MAK16: variants seen among roughly 807,000 people sequenced by gnomAD.
MAK16 encodes the protein protein MAK16 homolog.
A neutral mutation model predicts 49.9 loss-of-function variants in MAK16; 12 were observed. The ratio of observed to expected loss-of-function variants is 0.24; its 90% CI spans 0.15 to 0.39. The LOEUF (loss-of-function observed/expected upper bound fraction) is 0.39, where lower values mean the gene tolerates loss of function less well. Ranked by LOEUF, MAK16 falls within the 10% of genes least tolerant of loss-of-function variation. The probability of loss-of-function intolerance (pLI) is 1.00; values close to 1 mark genes in which losing one functional copy is unlikely to be tolerated. For synonymous variants in MAK16, 115 were observed against 126.4 expected, an observed-to-expected ratio of 0.91 and a Z score of 0.60; for missense variants, 292 against 363.7, an observed-to-expected ratio of 0.80 and a Z score of 1.60.
Position 33,494,112 on chromosome 8 carries a change from C to T in MAK16, c.448-1430C>T, listed in dbSNP as rs147226920. On this transcript the variant is annotated intron_variant, in intron 6 of 9. Transcript: ENST00000360128. ...TTAGGTTCTACAGCTTTTGCTCTGT[C>T]GCCCAGGCTGGAGTGCAGTGGCGCC... Among the ~76,000 whole-genome samples the T allele has an allele frequency of 3.0e-3, 453 of 152,246 alleles. 8 individuals carry two copies. The East Asian group carries it at 0.039, about 13-fold the overall frequency.
chr8:33,498,305 A>G, intron 9 of MAK16, 127 bp from the exon 10 acceptor site: 1 of 701,426 alleles, frequency 1.4e-6, no homozygotes, highest in Non-Finnish European at 2.2e-6. Flanking sequence ...AAAGAAAGGG[A>G]CAATTTCTGA....
At chr8:33,494,135 G>A (rs1022699218) in intron 6 of MAK16, among the ~76,000 whole-genome samples, 50 of 152,194 alleles carry the variant, frequency 3.3e-4, no homozygotes, top group African/African-American at 1.2e-3. Context: ...GTGCAGTGGC[G>A]CCATCTCGGC....
chr8:33,495,595 G>A lies in MAK16; in HGVS notation c.501G>A (p.Leu167=), dbSNP rs1175566130. 1.2e-6 allele frequency: 2 copies of A among 1,611,360 alleles called. No homozygotes were observed. The highest frequency in any genetic ancestry group is 2.2e-5 in the East Asian group (1 of 44,710). Reference sequence around the variant, plus strand: ...ACAATGCCATTGAGAAGGAATTACTGGAGAGACTGAAACAAGATACGGTGA... The same window carrying A: ...ACAATGCCATTGAGAAGGAATTACTAGAGAGACTGAAACAAGATACGGTGA... ...QLDNAIEKEL[L]ERLKQDTYGD... is the part of the protein sequence containing the mutation. Residue 167 remains leucine (L), a synonymous_variant, in exon 7 of 10, where the codon CTG becomes CTA. Coordinates refer to ENST00000360128, the MANE Select transcript of MAK16 (RefSeq NM_032509.4).
rs1312970892 is a variant in MAK16 at position 33,498,655 on chromosome 8, G to GACTGAACAT, written c.*27_*35dup. The GACTGAACAT allele has an allele frequency of 6.5e-7, 1 of 1,548,396 alleles. No homozygotes were observed. The highest frequency in any genetic ancestry group is 8.8e-7 in the Non-Finnish European group (1 of 1,132,636). On this transcript the variant is annotated 3_prime_UTR_variant, in exon 10 of 10. Transcript: ENST00000360128. ...TTTCCCTTTCAGCATTTATACCCAG[G>GACTGAACAT]ACTGAACATGCAGAACTGTTTTTTT... is the stretch of plus-strand genomic sequence containing the variant.
At chr8:33,498,037 A>G (rs1808905855) in intron 9 of MAK16, among the ~76,000 whole-genome samples, 1 of 151,178 alleles carries the variant, frequency 6.6e-6, no homozygotes, top group Non-Finnish European at 1.5e-5. Context: ...TGGAGGTTGC[A>G]GTGAGCTGAG....
chr8:33,496,411 A>G lies in MAK16; in HGVS notation c.523-214A>G, dbSNP rs143469227. 8.1e-3 allele frequency among the ~76,000 whole-genome samples: 1,229 copies of G among 152,278 alleles called. 12 individuals are homozygous for G. The highest frequency in any genetic ancestry group is 0.028 in the African/African-American group (1,146 of 41,554). ...ATTATTTTAAAATGTAACTCCATAG[A>G]AGTTACCTATTTGATACTAACTGCA... On this transcript the variant is annotated intron_variant, in intron 7 of 9. Transcript: ENST00000360128.
intron 6 of MAK16, among the ~76,000 whole-genome samples, chr8:33,490,670 G>A (rs948608079): frequency 6.6e-6 from 1 of 152,116 alleles, no homozygotes; most frequent in African/African-American, 2.4e-5. Context: ...AGTAGATTTT[G>A]AGCATTCTAA....
At chr8:33,496,772 C>T (rs1422834645) in intron 8 of MAK16, 31 bp downstream of exon 8, 2 of 1,458,300 alleles carry the variant, frequency 1.4e-6, no homozygotes, top group Non-Finnish European at 9.5e-7. Context: ...GCCAAACCTA[C>T]TAGATACCAT....
chr8:33,500,098 CAT>C lies in MAK16; in HGVS notation c.*1470_*1471del. ...ACTGTCTCGTCCTTAGCCCCAGTGA[CAT>C]GTGCTGATCCTCCTGCCTTTAGTTC... On this transcript the variant is annotated 3_prime_UTR_variant, in exon 10 of 10. Transcript: ENST00000360128. 2 of 491,372 alleles carry C rather than the reference CAT, an allele frequency of 4.1e-6. No homozygotes were observed. The highest frequency in any genetic ancestry group is 4.6e-5 in the South Asian group (2 of 43,056). 30.4% of individuals were successfully genotyped at this position (491,372 alleles called of 1,614,324 possible).
At position 33,488,383 on chromosome 8, in the gene MAK16, C is replaced by G. The variant is rs753980086; in HGVS notation, c.21C>G (p.Ile7Met). The G allele has an allele frequency of 1.9e-6, 3 of 1,614,150 alleles. No homozygotes were observed. Among genetic ancestry groups the G allele is most frequent in the Non-Finnish European group, 2.5e-6 (3 of 1,180,006 alleles). The change falls in exon 2 of 10, where the codon ATC (isoleucine) becomes ATG (methionine). Residue 7 changes from isoleucine to methionine, a missense_variant. Transcript: ENST00000360128. MQSDDV[I>M]WDTLGNKQFC... ...GCTTTTACTTTGTCTTGCAGGTTAT[C>G]TGGGATACACTAGGAAACAAGCAAT...
rs1808938926 is a variant in MAK16, at chr8:33,498,689, T to A, written c.*60T>A. ...TGCAGAACTGTTTTTTTTTTTTTTT[T>A]ATCTTAAACACATACACACCTCCAG... On this transcript the variant is annotated 3_prime_UTR_variant, in exon 10 of 10. Coordinates refer to ENST00000360128, the MANE Select transcript of MAK16 (RefSeq NM_032509.4). The A allele has an allele frequency of 1.1e-5, 16 of 1,410,220 alleles. No homozygotes were observed. The highest frequency in any genetic ancestry group is 2.1e-5 in the Admixed American group (1 of 46,972). 87.4% of individuals were successfully genotyped at this position (1,410,220 alleles called of 1,614,324 possible). A position where few individuals can be genotyped will look rare whatever the true frequency, so the allele number is the denominator to read the frequency against.
chr8:33,495,303 T>C (rs1808839977), intron 6 of MAK16, among the ~76,000 whole-genome samples: 1 of 152,232 alleles, frequency 6.6e-6, no homozygotes, highest in Admixed American at 6.5e-5. Flanking sequence ...TGTGTTAGAA[T>C]TTAATTTAGA....
chr8:33,492,644 G>A (rs149198857), intron 6 of MAK16, among the ~76,000 whole-genome samples: 68 of 152,226 alleles, frequency 4.5e-4, no homozygotes, highest in African/African-American at 1.6e-3. Context: ...ACCATTTATT[G>A]AAGAGACTGT....
chr8:33,496,283 T>C (rs1335685175), intron 7 of MAK16, among the ~76,000 whole-genome samples: 1 of 152,218 alleles, frequency 6.6e-6, no homozygotes, highest in Non-Finnish European at 1.5e-5. Context: ...GTGTTGTTTA[T>C]ACAGACAACA....
At position 33,496,667 on chromosome 8, in the gene MAK16, G is replaced by A; in HGVS notation, c.565G>A (p.Ala189Thr). 6.2e-7 allele frequency: 1 copy of A among 1,613,524 alleles called. No individual in the cohort carries two copies. ...CTTCCCCATTCATGCCTTCGACAAA[G>A]CCCTGGAACAACAGGAGGCAGAGAG... ...YNFPIHAFDK[A>T]LEQQEAESDS... Residue 189 changes from alanine to threonine, a missense_variant, in exon 8 of 10, where the codon GCC becomes ACC. By Grantham distance (58) the Ala-to-Thr change is moderately conservative. Coordinates refer to ENST00000360128, the MANE Select transcript of MAK16 (RefSeq NM_032509.4).
intron 6 of MAK16, among the ~76,000 whole-genome samples, chr8:33,492,958 A>G (rs1052271320): frequency 2.1e-5 from 3 of 144,170 alleles, no homozygotes; most frequent in Non-Finnish European, 4.6e-5. Flanking sequence ...TTTTTTTTCT[A>G]TTTCTGTGAA....
chr8:33,488,448 T>G (rs993982765), intron 2 of MAK16, 21 bp downstream of exon 2: 4 of 1,614,142 alleles, frequency 2.5e-6, no homozygotes, highest in Non-Finnish European at 1.7e-6. Flanking sequence ...ATTTACAACT[T>G]GGTCAAAGAT....
intron 7 of MAK16, 141 bp from the exon 8 acceptor site, chr8:33,496,484 C>A: frequency 1.8e-6 from 1 of 564,446 alleles, no homozygotes; most frequent in Non-Finnish European, 3.0e-6. Context: ...ACACTGCTGG[C>A]TCTACACTTA....
In MAK16 at chr8:33,489,906, A is replaced by T. The variant is rs1178737895; in HGVS notation, c.393-379A>T. 6.6e-6 allele frequency among the ~76,000 whole-genome samples: 1 copy of T among 152,228 alleles called. No individual in the cohort carries two copies. The highest frequency in any genetic ancestry group is 1.5e-5 in the Non-Finnish European group (1 of 68,028). ...CATAGAATGCTAAAGATGATGTCAG[A>T]CTTCGACAGAAAATTCTTTTTTCTT... On this transcript the variant is annotated intron_variant, in intron 5 of 9. Transcript: ENST00000360128. This position sits in a 1 kb window ranked among gnomAD's most constrained non-coding sequence, Gnocchi z 4.2.
Sources: allele counts gnomAD v4.1 joint callset (sites outside exome capture counted in the v4.1 genomes callset), GRCh38; gene constraint gnomAD v4.1.1; non-coding constraint Gnocchi (gnomAD v3.1); transcripts MANE v1.5; gene names NCBI Gene and HGNC (gene_info 2026-07-23, HGNC 2026-07-21).